The following SERPINA12 variants were observed in gnomAD, a reference collection of about 807,000 sequenced individuals.
The protein encoded by SERPINA12 is serpin family A member 12.
In SERPINA12, 21 loss-of-function variants were observed where a neutral mutation model predicts 25.9. That is an observed-to-expected ratio of 0.81 (90% CI 0.58 to 1.17). The LOEUF (loss-of-function observed/expected upper bound fraction) is 1.17. SERPINA12 is among the 50% of genes most tolerant of loss of function. SERPINA12 has a pLI of 0.00. For synonymous variants in SERPINA12, 220 were observed against 196.0 expected, an observed-to-expected ratio of 1.12 and a Z score of -1.02; for missense variants, 562 against 508.3, an observed-to-expected ratio of 1.11 and a Z score of -1.02.
chr14:94,511,143 GC>G (rs1901098747), upstream of SERPINA12, among the ~76,000 whole-genome samples: 1 of 151,898 alleles, frequency 6.6e-6, no homozygotes, highest in Non-Finnish European at 1.5e-5. Flanking sequence ...ATCGCAAACT[GC>G]AAAAAAGCCC....
chr14:94,489,244 G>T (rs1450963094), intron 4 of SERPINA12, among the ~76,000 whole-genome samples: 1 of 151,664 alleles, frequency 6.6e-6, no homozygotes, highest in African/African-American at 2.4e-5. Flanking sequence ...AAGAAAGAGA[G>T]AGAGAAAGAG....
intron 1 of SERPINA12, among the ~76,000 whole-genome samples, chr14:94,508,282 AG>A (rs1238045747): frequency 2.0e-5 from 3 of 152,276 alleles, no homozygotes. Context: ...AATATTTTTA[AG>A]CAATCTCCGG....
chr14:94,487,551 G>A, intron 4 of SERPINA12, 57 bp from the exon 5 acceptor site: 1 of 1,482,524 alleles, frequency 6.7e-7, no homozygotes, highest in Non-Finnish European at 9.1e-7. Flanking sequence ...ACCACAGTGG[G>A]CCGGAGGCCC....
At chr14:94,505,525 C>G (rs985822239) in intron 1 of SERPINA12, among the ~76,000 whole-genome samples, 5 of 152,186 alleles carry the variant, frequency 3.3e-5, no homozygotes, top group Admixed American at 2.0e-4. Flanking sequence ...GCAGAGGAGA[C>G]AGAAGGACAG....
At chr14:94,489,166 AG>A (rs1900036342) in intron 4 of SERPINA12, among the ~76,000 whole-genome samples, 4 of 151,042 alleles carry the variant, frequency 2.6e-5, no homozygotes, top group East Asian at 1.9e-4. Flanking sequence ...AAAGAAAGAA[AG>A]AAAAAAAGAG....
intron 1 of SERPINA12, among the ~76,000 whole-genome samples, chr14:94,507,696 C>T (rs755626806): frequency 2.6e-5 from 4 of 152,188 alleles, no homozygotes; most frequent in Non-Finnish European, 4.4e-5. Context: ...ACCAGCCACA[C>T]GAGGACGTGG....
chr14:94,509,957 G>C, upstream of SERPINA12: 1 of 984,968 alleles, frequency 1.0e-6, no homozygotes, highest in Non-Finnish European at 1.2e-6. Context: ...CCAGCCGCCT[G>C]GCACAGATGT....
intron 1 of SERPINA12, among the ~76,000 whole-genome samples, chr14:94,505,023 G>A (rs1414970549): frequency 6.6e-6 from 1 of 152,194 alleles, no homozygotes; most frequent in Non-Finnish European, 1.5e-5. Context: ...AGCTCAACAT[G>A]CCTATCTTCA....
rs1415357044 is a variant in SERPINA12, at chr14:94,503,587, A to G, written c.-33-5157T>C. On this transcript the variant is annotated intron_variant, in intron 1 of 4. Coordinates refer to ENST00000677451, the MANE Select transcript of SERPINA12 (RefSeq NM_001382267.1). ...GGGTATGTGGGTTGGAAAGGCTGAG[A>G]GATCATTGACTTCAGGACTATCTGT... Among the ~76,000 whole-genome samples the G allele has an allele frequency of 4.6e-5, 7 of 152,308 alleles. No individual in the cohort carries two copies. The East Asian group carries it at 1.3e-3, about 29-fold the overall frequency.
chr14:94,508,959 C>A (rs1489484400), intron 1 of SERPINA12, among the ~76,000 whole-genome samples: 1 of 152,122 alleles, frequency 6.6e-6, no homozygotes, highest in Non-Finnish European at 1.5e-5. Context: ...ATTTTTCATA[C>A]CAACTTTGCA....
intron 1 of SERPINA12, among the ~76,000 whole-genome samples, chr14:94,517,045 G>A (rs1901254070): frequency 6.6e-6 from 1 of 152,238 alleles, no homozygotes; most frequent in Non-Finnish European, 1.5e-5. Context: ...GACCATAAAT[G>A]TGAACGAAAC....
intron 1 of SERPINA12, chr14:94,500,808 C>T: frequency 2.0e-6 from 2 of 976,878 alleles, no homozygotes; most frequent in Non-Finnish European, 2.4e-6. Context: ...TGCCTCTGGA[C>T]CCCCAGTGAC....
intron 1 of SERPINA12, among the ~76,000 whole-genome samples, chr14:94,505,932 T>C (rs575034924): frequency 6.6e-6 from 1 of 152,162 alleles, no homozygotes; most frequent in African/African-American, 2.4e-5. Context: ...CTGTCCTGCC[T>C]GGGGAAAAGA....
intron 3 of SERPINA12, among the ~76,000 whole-genome samples, chr14:94,496,085 C>G (rs1900404121): frequency 6.6e-6 from 1 of 152,108 alleles, no homozygotes; most frequent in African/African-American, 2.4e-5. Context: ...TGCCACTCAC[C>G]CTTGAAGACT....
intron 4 of SERPINA12, among the ~76,000 whole-genome samples, chr14:94,487,722 C>T (rs971094783): frequency 2.6e-5 from 4 of 151,906 alleles, no homozygotes; most frequent in East Asian, 1.9e-4. Flanking sequence ...GCATCAGTTA[C>T]GGGAGTCGGT....
At chr14:94,512,416 C>T (rs1444382004), upstream of SERPINA12, among the ~76,000 whole-genome samples, 1 of 152,180 alleles carries the variant, frequency 6.6e-6, no homozygotes, top group African/African-American at 2.4e-5. Context: ...CTATCAAATG[C>T]AAAGGCCCAT....
chr14:94,497,307 T>C (rs1026289549), intron 2 of SERPINA12, among the ~76,000 whole-genome samples: 4 of 152,224 alleles, frequency 2.6e-5, no homozygotes, highest in Non-Finnish European at 4.4e-5. Flanking sequence ...ACCATCACCA[T>C]AATCAACACA....
intron 3 of SERPINA12, among the ~76,000 whole-genome samples, chr14:94,496,147 G>T (rs550222939): frequency 1.3e-5 from 2 of 152,270 alleles, no homozygotes; most frequent in South Asian, 4.1e-4. Context: ...CCGCCCTCCA[G>T]TAAGACTCCA....
exon 1 of SERPINA12, chr14:94,517,406 T>C (rs1901263120): frequency 2.0e-5 from 3 of 152,214 alleles, no homozygotes; most frequent in Non-Finnish European, 2.9e-5. Context: ...CTCACCTTAT[T>C]CATTTACAAA....
Sources: allele counts gnomAD v4.1 joint callset (sites outside exome capture counted in the v4.1 genomes callset), GRCh38; gene constraint gnomAD v4.1.1; transcripts MANE v1.5; gene names NCBI Gene and HGNC (gene_info 2026-07-23, HGNC 2026-07-21).